Variants in CACNA1F observed in about 807,000 individuals in gnomAD.
The protein encoded by CACNA1F is calcium voltage-gated channel subunit alpha1 F, also known as voltage-dependent L-type calcium channel subunit alpha-1F.
CACNA1F carries 59 observed loss-of-function variants against 143.8 expected under a neutral mutation model. The observed-to-expected ratio is 0.41, with a 90% CI of 0.33 to 0.51. CACNA1F has a LOEUF of 0.51. Ranked by LOEUF, CACNA1F falls within the 20% of genes least tolerant of loss-of-function variation. The probability of loss-of-function intolerance (pLI) is 0.22; values close to 1 mark genes in which losing one functional copy is unlikely to be tolerated. For missense variants in CACNA1F, 1,411 were observed against 1,647.5 expected (o/e 0.86, Z 2.48); for synonymous variants, 643 against 649.1 (o/e 0.99, Z 0.14).
Position 49,205,724 on chromosome X carries a change from G to A in CACNA1F, c.5562C>T (p.Leu1854=), listed in dbSNP as rs782234292. ...VEEGAAGEGY[L]GRSSGPLRTF... is the part of the protein sequence containing the mutation. ...TGCGCAGTGGGCCACTGGATCTGCC[G>A]AGGTACCCCTCCCCCGCTGCGCCCT... The change falls in exon 47 of 48, where the codon CTC becomes CTT. Residue 1854 remains leucine, a synonymous_variant. Transcript: ENST00000323022. 29 of 1,203,249 alleles carry A rather than the reference G, an allele frequency of 2.4e-5. No homozygotes were observed. The highest frequency in any genetic ancestry group is 1.3e-4 in the Admixed American group (6 of 45,173).
chrX:49,209,914 CG>C, intron 40 of CACNA1F, 26 bp downstream of exon 40: 14 of 1,149,400 alleles, frequency 1.2e-5, no homozygotes, highest in Non-Finnish European at 1.4e-5. Flanking sequence ...GGGGCTGGCG[CG>C]GGGAACTGGG....
chrX:49,228,523 T>C (rs1557110597), intron 6 of CACNA1F, 76 bp from the exon 7 acceptor site: 1 of 808,433 alleles, frequency 1.2e-6, no homozygotes, highest in African/African-American at 2.0e-5. Flanking sequence ...CCCGCCCACT[T>C]AGGAAGCTCG....
At chrX:49,222,396 C>A (rs1281523270) in intron 17 of CACNA1F, 126 bp downstream of exon 17, 10 of 537,317 alleles carry the variant, frequency 1.9e-5, no homozygotes, top group African/African-American at 9.2e-5. Context: ...TGAGGACTGG[C>A]AGATGGTATC....
At chrX:49,206,920 G>A in intron 44 of CACNA1F, 65 bp from the exon 45 acceptor site, 2 of 1,150,276 alleles carry the variant, frequency 1.7e-6, no homozygotes, top group African/African-American at 1.8e-5. Context: ...TGGGAGATGG[G>A]GCACAAACAG....
At chrX:49,210,551 A>G in intron 38 of CACNA1F, 39 bp downstream of exon 38, 1 of 1,130,839 alleles carries the variant, frequency 8.8e-7, no homozygotes, top group Non-Finnish European at 1.2e-6. Context: ...TGTGATAGAC[A>G]GTTCTCTCAG....
At chrX:49,205,497 G>A in intron 47 of CACNA1F, 119 bp downstream of exon 47, 1 of 865,489 alleles carries the variant, frequency 1.2e-6, no homozygotes, top group Non-Finnish European at 1.7e-6. Flanking sequence ...AGAGGTCGTA[G>A]GGCAAAGGGA....
At chrX:49,230,427 C>T (rs918520271) in intron 5 of CACNA1F, 40 bp downstream of exon 5, 40 of 1,207,946 alleles carry the variant, frequency 3.3e-5, no homozygotes, top group Non-Finnish European at 4.4e-5. Flanking sequence ...CAGCCCCACC[C>T]CCACCCTCCA....
intron 13 of CACNA1F, 141 bp from the exon 14 acceptor site, chrX:49,225,127 T>A: frequency 2.1e-6 from 1 of 485,920 alleles, no homozygotes; most frequent in Non-Finnish European, 3.7e-6. Flanking sequence ...GGCTAGGGAT[T>A]GGGGTGAGTT....
At chrX:49,209,192 C>T in intron 42 of CACNA1F, 70 bp downstream of exon 42, 1 of 1,175,498 alleles carries the variant, frequency 8.5e-7, no homozygotes, top group Non-Finnish European at 1.2e-6. Context: ...GAAGCAGTGT[C>T]AAAATCACTC....
At chrX:49,205,961 G>A in intron 46 of CACNA1F, 148 bp from the exon 47 acceptor site, 1 of 518,280 alleles carries the variant, frequency 1.9e-6, no homozygotes, top group Non-Finnish European at 3.2e-6. Flanking sequence ...ATTTATGTAA[G>A]AGTGCAGGAG....
In CACNA1F at chrX:49,228,442, C is replaced by T. The variant is rs976504921; in HGVS notation, c.823G>A (p.Glu275Lys). ...CAGGGCGATGGGTCCTCCTCCGCTT[C>T]CATGTCTGCAGGAAGACTGGAGCTT... ...KTCYFLGSDM[E>K]AEEDPSPCAS... Residue 275 changes from glutamate to lysine, a missense_variant, in exon 7 of 48, where the codon GAA becomes AAA. Coordinates refer to ENST00000323022, the MANE Select transcript of CACNA1F (RefSeq NM_001256789.3). 8.3e-7 allele frequency: 1 copy of T among 1,199,933 alleles called. No homozygotes were observed. The highest frequency in any genetic ancestry group is 1.1e-6 in the Non-Finnish European group (1 of 888,447).
intron 14 of CACNA1F, among the ~76,000 whole-genome samples, chrX:49,224,477 G>T (rs1234442613): frequency 1.8e-5 from 2 of 110,473 alleles, no homozygotes; most frequent in Admixed American, 9.7e-5. Context: ...GTATGGCATT[G>T]AAATCGGAGA....
At chrX:49,223,375 C>T (rs1201633364) in intron 14 of CACNA1F, among the ~76,000 whole-genome samples, 1 of 108,975 alleles carries the variant, frequency 9.2e-6, no homozygotes, top group African/African-American at 3.3e-5. Context: ...GAGGCCAAGG[C>T]GTGTGGGTCA....
At chrX:49,230,152 A>T in intron 6 of CACNA1F, 68 bp downstream of exon 6, 1 of 987,962 alleles carries the variant, frequency 1.0e-6, no homozygotes, top group Non-Finnish European at 1.4e-6. Flanking sequence ...GGTTTCCCTG[A>T]GTGCAGCATT....
chrX:49,205,220 G>A lies in CACNA1F; in HGVS notation c.5818C>T (p.Leu1940Phe). The stretch of plus-strand genomic sequence containing the variant: ...AGGATGGACTCCTCGTCGCTATAGA[G>A]AGAGCTGGTTCCCTGTGCCAGCAGG... ...SDLLAQGTSS[L>F]YSDEESILSR... The change falls in exon 48 of 48, where the codon CTC (leucine) becomes TTC (phenylalanine). Residue 1940 changes from leucine to phenylalanine, a missense_variant. By Grantham distance (22) the Leu-to-Phe change is conservative. Transcript: ENST00000323022. 8.3e-7 allele frequency: 1 copy of A among 1,210,999 alleles called. No homozygotes were observed. Among genetic ancestry groups the A allele is most frequent in the South Asian group, 1.8e-5 (1 of 56,939 alleles).
Position 49,218,316 on chromosome X carries a change from T to C in CACNA1F, c.2928+139A>G, listed in dbSNP as rs375901940. On this transcript the variant is annotated intron_variant, in intron 24 of 47. Coordinates refer to ENST00000323022, the MANE Select transcript of CACNA1F (RefSeq NM_001256789.3). ...AACATGGGTCAGGCCACATGGCTAG[T>C]GGTCAGAGATGTGTATTTATGTGTC... The C allele has an allele frequency of 1.8e-5, 9 of 504,374 alleles. No homozygotes were observed. In the East Asian group the frequency reaches 1.8e-4, roughly 10 times the overall value. 41.6% of individuals were successfully genotyped at this position (504,374 alleles called of 1,213,427 possible). A position where few individuals can be genotyped will look rare whatever the true frequency, so the allele number is the denominator to read the frequency against.
intron 17 of CACNA1F, 91 bp downstream of exon 17, chrX:49,222,431 C>T: frequency 1.5e-6 from 1 of 686,465 alleles, no homozygotes; most frequent in Non-Finnish European, 2.3e-6. Flanking sequence ...ACCAGGGTGA[C>T]TAGAGGCATC....
chrX:49,226,162 G>C (rs868922995), intron 12 of CACNA1F, 55 bp downstream of exon 12: 5 of 1,134,518 alleles, frequency 4.4e-6, no homozygotes, highest in Non-Finnish European at 4.8e-6. Flanking sequence ...AGGGCTTGGA[G>C]GTGGGGGGTT....
Position 49,228,184 on chromosome X carries a change from C to CA in CACNA1F, c.1015-46_1015-45insT, listed in dbSNP as rs1557110443. On this transcript the variant is annotated intron_variant, in intron 7 of 47. Transcript: ENST00000323022. ...GCATCCCTCAGGGTAGGCAGACACT[C>CA]CTGCGTGAGTGTCAGGGAGGAAAGG... The CA allele has an allele frequency of 2.5e-6, 3 of 1,185,417 alleles. No individual in the cohort carries two copies. In the Admixed American group the frequency reaches 6.5e-5, roughly 26 times the overall value.
Sources: gnomAD v4.1 joint callset for allele counts (sites outside exome capture counted in the v4.1 genomes callset) on GRCh38, gnomAD v4.1.1 for gene constraint, MANE v1.5 for transcripts, NCBI Gene and HGNC (gene_info 2026-07-23, HGNC 2026-07-21) for gene names.